UBR1: variants seen among roughly 807,000 people sequenced by gnomAD.
UBR1 encodes the protein ubiquitin protein ligase E3 component n-recognin 1.
In UBR1, 102 loss-of-function variants were observed where a neutral mutation model predicts 242.1. The ratio of observed to expected loss-of-function variants is 0.42; its 90% CI spans 0.36 to 0.50. The LOEUF (loss-of-function observed/expected upper bound fraction) is 0.50. Among genes scored for constraint, UBR1 ranks in the 20% least tolerant of loss-of-function variants. The probability of loss-of-function intolerance (pLI) is 0.01; values close to 1 mark genes in which losing one functional copy is unlikely to be tolerated. For missense variants in UBR1, 1,772 were observed against 2,101.8 expected, an observed-to-expected ratio of 0.84 and a Z score of 3.07; for synonymous variants, 675 against 684.8, an observed-to-expected ratio of 0.99 and a Z score of 0.22.
At chr15:43,089,507 A>G (rs1181254114) in intron 1 of UBR1, among the ~76,000 whole-genome samples, 2 of 152,198 alleles carry the variant, frequency 1.3e-5, no homozygotes, top group Non-Finnish European at 2.9e-5. Context: ...CCAAAAATAA[A>G]TAAATAAATA....
rs546234127 is a variant in UBR1 at position 43,075,595 on chromosome 15, CCTAGAA to C, written c.418-512_418-507del. On this transcript the variant is annotated intron_variant, in intron 3 of 46. Coordinates refer to ENST00000290650, the MANE Select transcript of UBR1 (RefSeq NM_174916.3). Reference sequence around the variant, plus strand: ...CCAATGCTATCCCTCCCCACTCCCCCCTAGAATTTTTGAGTGATAAGATTTTTTTTT... The same window carrying C: ...CCAATGCTATCCCTCCCCACTCCCCCTTTTTGAGTGATAAGATTTTTTTTT... Among the ~76,000 whole-genome samples, 58 of 152,136 alleles carry C rather than the reference CCTAGAA, an allele frequency of 3.8e-4. No individual in the cohort carries two copies. In the South Asian group the frequency reaches 0.012, roughly 32 times the overall value.
intron 21 of UBR1, among the ~76,000 whole-genome samples, chr15:43,029,269 T>C (rs904177592): frequency 6.6e-6 from 1 of 152,216 alleles, no homozygotes; most frequent in African/African-American, 2.4e-5. Context: ...GTAGGACTAT[T>C]ACCACAGTAT....
chr15:42,963,959 T>C lies in UBR1; in HGVS notation c.4676A>G (p.Asp1559Gly), dbSNP rs1405769158. 1.1e-5 allele frequency: 17 copies of C among 1,612,752 alleles called. No homozygotes were observed. The highest frequency in any genetic ancestry group is 1.2e-5 in the Non-Finnish European group (14 of 1,179,038). Residue 1559 changes from aspartate (D) to glycine (G), a missense_variant, in exon 42 of 47, where the codon GAT becomes GGT. By Grantham distance (94) the Asp-to-Gly change is moderately conservative. Transcript: ENST00000290650. ...NLFLLFQEYW[D>G]TVRPLLQRWC... ...CCTCTGGAGCAAGGGCCTTACAGTA[T>C]CCCAATATTCCTGGAAGAGCAGGAA... is the stretch of plus-strand genomic sequence containing the variant.
At chr15:43,096,164 C>A (rs1424774437) in intron 1 of UBR1, among the ~76,000 whole-genome samples, 1 of 150,822 alleles carries the variant, frequency 6.6e-6, no homozygotes, top group Non-Finnish European at 1.5e-5. Context: ...GTGGCTATGG[C>A]AATTTCTCTC....
Position 42,998,734 on chromosome 15 carries a change from C to T in UBR1, c.3660-469G>A, listed in dbSNP as rs182889305. On this transcript the variant is annotated intron_variant, in intron 32 of 46. Coordinates refer to ENST00000290650, the MANE Select transcript of UBR1 (RefSeq NM_174916.3). ...TTAAATAGACTCCTAAGTGTTCTTCCTGCTTCTACTCTTGTGTTTCATTTA... is the reference window on the plus strand; with the variant it reads ...TTAAATAGACTCCTAAGTGTTCTTCTTGCTTCTACTCTTGTGTTTCATTTA... Among the ~76,000 whole-genome samples the T allele has an allele frequency of 2.3e-3, 347 of 152,304 alleles. 1 individual carries two copies. The highest frequency in any genetic ancestry group is 3.9e-3 in the Admixed American group (60 of 15,288).
chr15:43,065,355 C>G (rs2033739370), intron 6 of UBR1, among the ~76,000 whole-genome samples: 1 of 151,760 alleles, frequency 6.6e-6, no homozygotes, highest in Admixed American at 6.6e-5. Context: ...TATTCTCTTC[C>G]TTTCCTTTTT....
chr15:43,034,287 A>G (rs1288761818), intron 19 of UBR1, among the ~76,000 whole-genome samples: 2 of 146,496 alleles, frequency 1.4e-5, no homozygotes, highest in Admixed American at 6.7e-5. Context: ...TAAATAGATA[A>G]ATAAATGAGC....
chr15:43,047,225 GC>G lies in UBR1; in HGVS notation c.1603del (p.Ala535ProfsTer8). 1 of 1,614,130 alleles carries G rather than the reference GC, an allele frequency of 6.2e-7. No individual in the cohort carries two copies. Among genetic ancestry groups the G allele is most frequent in the Non-Finnish European group, 8.5e-7 (1 of 1,180,014 alleles). On this transcript the variant is annotated frameshift_variant, in exon 14 of 47. Coordinates refer to ENST00000290650, the MANE Select transcript of UBR1 (RefSeq NM_174916.3). LOFTEE classifies it high-confidence loss of function. Reference sequence around the variant, plus strand: ...CTTCAATTGCATCTGTATAGCAATGGCAGCCTCCCAATCAGGATCCACTTCA... The same window carrying G: ...CTTCAATTGCATCTGTATAGCAATGGAGCCTCCCAATCAGGATCCACTTCA... The part of the protein sequence containing the change: ...HIEVDPDWEA[A>X]IAIQMQLKNI...
At chr15:43,004,231 T>A (rs1810909872) in intron 30 of UBR1, among the ~76,000 whole-genome samples, 1 of 152,234 alleles carries the variant, frequency 6.6e-6, no homozygotes. Flanking sequence ...GTTTCCAAGA[T>A]AATTTACTTT....
chr15:43,076,678 G>C (rs1338327350), intron 3 of UBR1, among the ~76,000 whole-genome samples: 1 of 140,808 alleles, frequency 7.1e-6, no homozygotes, highest in African/African-American at 2.7e-5. Context: ...CAACCGCCCC[G>C]TCTGAGAAGT....
intron 1 of UBR1, among the ~76,000 whole-genome samples, chr15:43,088,204 C>T (rs1439181870): frequency 1.3e-5 from 2 of 152,132 alleles, no homozygotes; most frequent in African/African-American, 4.8e-5. Flanking sequence ...ACCTGAATGT[C>T]CGTGAAGACA....
chr15:43,019,125 T>C (rs917094547), intron 27 of UBR1, among the ~76,000 whole-genome samples: 1 of 151,912 alleles, frequency 6.6e-6, no homozygotes, highest in Non-Finnish European at 1.5e-5. Flanking sequence ...GCAGTGGTGT[T>C]ATCTCGGCTC....
In UBR1 at chr15:42,993,837, C is replaced by CA. The variant is rs879428378; in HGVS notation, c.3758-3718dup. Among the ~76,000 whole-genome samples the CA allele has an allele frequency of 4.3e-3, 538 of 124,458 alleles. 2 individuals carry two copies. Among genetic ancestry groups the CA allele is most frequent in the African/African-American group, 9.9e-3 (333 of 33,640 alleles). 81.6% of individuals were successfully genotyped at this position (124,458 alleles called of 152,430 possible). The stretch of plus-strand genomic sequence containing the variant: ...TGGGGGGCAGAGCGAGACTCCATCT[C>CA]AAAAAAAAAAAAAGGCTGTAATGAC... On this transcript the variant is annotated intron_variant, in intron 33 of 46. Coordinates refer to ENST00000290650, the MANE Select transcript of UBR1 (RefSeq NM_174916.3).
At chr15:43,028,618 G>A (rs889110894) in intron 21 of UBR1, among the ~76,000 whole-genome samples, 3 of 151,068 alleles carry the variant, frequency 2.0e-5, no homozygotes, top group Non-Finnish European at 2.9e-5. Context: ...GGTGGTGCGC[G>A]CCTGTAGTCC....
chr15:42,955,747 T>G (rs2031908468), intron 44 of UBR1, among the ~76,000 whole-genome samples: 1 of 152,222 alleles, frequency 6.6e-6, no homozygotes, highest in South Asian at 2.1e-4. Context: ...GACATCTCAC[T>G]GGTGGTGGTC....
intron 1 of UBR1, chr15:43,092,043 C>A (rs555366788): frequency 2.6e-5 from 12 of 453,884 alleles, no homozygotes; most frequent in African/African-American, 2.4e-4. Flanking sequence ...GAGATCATGC[C>A]ACTGCACTCC....
chr15:43,078,327 G>T (rs1014473199), intron 3 of UBR1, among the ~76,000 whole-genome samples: 2 of 152,060 alleles, frequency 1.3e-5, no homozygotes, highest in African/African-American at 4.8e-5. Flanking sequence ...GGATATAAGG[G>T]AAAATTCTAT....
intron 35 of UBR1, among the ~76,000 whole-genome samples, chr15:42,987,221 G>C (rs1340997408): frequency 6.6e-6 from 1 of 152,198 alleles, no homozygotes; most frequent in East Asian, 1.9e-4. Flanking sequence ...CCCTCTCTAT[G>C]GGCTTAAGAT....
chr15:42,966,913 C>T (rs115840904), intron 40 of UBR1, among the ~76,000 whole-genome samples: 4,182 of 151,846 alleles, frequency 0.028, 176 homozygotes, highest in African/African-American at 0.094. Flanking sequence ...TCTTTATTTT[C>T]AAATTTTTAT....
Sources: allele counts gnomAD v4.1 joint callset (sites outside exome capture counted in the v4.1 genomes callset), GRCh38; gene constraint gnomAD v4.1.1; transcripts MANE v1.5; gene names NCBI Gene and HGNC (gene_info 2026-07-23, HGNC 2026-07-21).